Variants in NKAIN2 observed in about 807,000 individuals in gnomAD.
NKAIN2 encodes the protein sodium/potassium transporting ATPase interacting 2, also known as sodium/potassium-transporting ATPase subunit beta-1-interacting protein 2.
NKAIN2 carries 14 observed loss-of-function variants against 32.6 expected under a neutral mutation model. That is an observed-to-expected ratio of 0.43 (90% CI 0.28 to 0.67). The LOEUF (loss-of-function observed/expected upper bound fraction) is 0.67. Among genes scored for constraint, NKAIN2 ranks in the 30% least tolerant of loss-of-function variants. NKAIN2 has a pLI of 0.17. For missense variants in NKAIN2, 198 were observed against 258.3 expected, an observed-to-expected ratio of 0.77 and a Z score of 1.60; for synonymous variants, 80 against 87.2, an observed-to-expected ratio of 0.92 and a Z score of 0.46.
At chr6:124,762,810 G>A (rs778339329) in intron 4 of NKAIN2, among the ~76,000 whole-genome samples, 46 of 152,152 alleles carry the variant, frequency 3.0e-4, no homozygotes, top group Admixed American at 2.1e-3. Context: ...ATCGGAGAGC[G>A]TTGGTTTGCA....
intron 5 of NKAIN2, chr6:124,794,749 T>G (rs546616037): frequency 5.4e-5 from 14 of 257,420 alleles, no homozygotes; most frequent in Admixed American, 1.3e-4. Flanking sequence ...TTACTTGTAG[T>G]CATTCACACC....
chr6:123,989,076 G>A (rs954285091), intron 1 of NKAIN2, among the ~76,000 whole-genome samples: 5 of 152,100 alleles, frequency 3.3e-5, no homozygotes, highest in African/African-American at 1.2e-4. Context: ...TTATGCTACT[G>A]TGTAGTGGAT....
intron 4 of NKAIN2, among the ~76,000 whole-genome samples, chr6:124,751,619 G>T (rs1194925695): frequency 6.6e-6 from 1 of 151,814 alleles, no homozygotes; most frequent in African/African-American, 2.4e-5. Context: ...CACTGAACTA[G>T]CCCGTGGCTG....
At chr6:124,364,248 A>G (rs73770446) in intron 3 of NKAIN2, among the ~76,000 whole-genome samples, 1 of 65,240 alleles carries the variant, frequency 1.5e-5, no homozygotes, top group Non-Finnish European at 3.4e-5. Flanking sequence ...AAAAAAAAAA[A>G]AAAGAGAGAA....
chr6:124,482,702 C>T (rs543745589), intron 3 of NKAIN2, among the ~76,000 whole-genome samples: 3 of 152,198 alleles, frequency 2.0e-5, no homozygotes, highest in Non-Finnish European at 4.4e-5. Flanking sequence ...TTCATTATTA[C>T]CAGGAAATAA....
chr6:124,551,276 G>T (rs1780277207), intron 3 of NKAIN2, among the ~76,000 whole-genome samples: 1 of 152,162 alleles, frequency 6.6e-6, no homozygotes, highest in Admixed American at 6.5e-5. Flanking sequence ...ATTGAGTTTG[G>T]TTTATGGTTT....
rs552766092 is a variant in NKAIN2, at chr6:123,831,530, T to C, written c.54+27276T>C. ...ATTTAATTATTTTTATTAAAGACTT[T>C]ATTTTTTACAGCAGTTTTAGGTTAA... On this transcript the variant is annotated intron_variant, in intron 1 of 6. Coordinates refer to ENST00000368417, the MANE Select transcript of NKAIN2 (RefSeq NM_001040214.3). Among the ~76,000 whole-genome samples, 586 of 152,044 alleles carry C rather than the reference T, an allele frequency of 3.9e-3. 6 individuals are homozygous for C. Among genetic ancestry groups the C allele is most frequent in the African/African-American group, 0.014 (563 of 41,536 alleles).
chr6:123,956,671 A>T (rs1341161686), intron 1 of NKAIN2, among the ~76,000 whole-genome samples: 1 of 152,180 alleles, frequency 6.6e-6, no homozygotes. Context: ...ATGTGGGGAT[A>T]TCCCCTCCAT....
chr6:124,584,439 G>A (rs1311162703), intron 3 of NKAIN2, among the ~76,000 whole-genome samples: 1 of 152,074 alleles, frequency 6.6e-6, no homozygotes, highest in East Asian at 1.9e-4. Context: ...ATCACCTGAG[G>A]TCAGGAGTTC....
At chr6:124,584,388 A>G (rs1435673489) in intron 3 of NKAIN2, among the ~76,000 whole-genome samples, 1 of 152,208 alleles carries the variant, frequency 6.6e-6, no homozygotes, top group African/African-American at 2.4e-5. Context: ...ATGGTGGCTT[A>G]CATTTCTAAT....
At chr6:124,466,692 T>A (rs147240505) in intron 3 of NKAIN2, among the ~76,000 whole-genome samples, 331 of 151,830 alleles carry the variant, frequency 2.2e-3, no homozygotes, top group African/African-American at 7.6e-3. Context: ...CCTGTAACAT[T>A]TCTCCAAGTT....
At chr6:123,824,426 A>G (rs931709553) in intron 1 of NKAIN2, among the ~76,000 whole-genome samples, 2 of 152,156 alleles carry the variant, frequency 1.3e-5, no homozygotes, top group African/African-American at 4.8e-5. Context: ...TACATTACCT[A>G]GTAAAAACTA....
intron 3 of NKAIN2, among the ~76,000 whole-genome samples, chr6:124,490,636 C>G (rs943845287): frequency 2.0e-5 from 3 of 151,610 alleles, no homozygotes; most frequent in African/African-American, 2.4e-5. Context: ...CCATGATATA[C>G]TATTTATTTT....
intron 3 of NKAIN2, among the ~76,000 whole-genome samples, chr6:124,587,089 A>G (rs750131410): frequency 1.3e-5 from 2 of 152,214 alleles, no homozygotes; most frequent in East Asian, 1.9e-4. Flanking sequence ...GAACTCTTCT[A>G]TTAACTTGAG....
chr6:124,298,981 A>G (rs771366347), intron 2 of NKAIN2, among the ~76,000 whole-genome samples: 2 of 152,236 alleles, frequency 1.3e-5, no homozygotes, highest in Non-Finnish European at 2.9e-5. Context: ...ATAATCTTAC[A>G]TTTAATGACT....
At chr6:123,815,177 G>T (rs1470374839) in intron 1 of NKAIN2, among the ~76,000 whole-genome samples, 1 of 152,056 alleles carries the variant, frequency 6.6e-6, no homozygotes, top group Non-Finnish European at 1.5e-5. Flanking sequence ...AGTTTAAATT[G>T]CAACCTGTTC....
At chr6:124,798,087 CTATCT>C (rs1780093124) in intron 5 of NKAIN2, among the ~76,000 whole-genome samples, 1 of 151,360 alleles carries the variant, frequency 6.6e-6, no homozygotes, top group African/African-American at 2.4e-5. Context: ...ATCTATCTAT[CTATCT>C]ATCTATCTAT....
At chr6:124,657,401 T>C (rs1402625450) in intron 3 of NKAIN2, among the ~76,000 whole-genome samples, 1 of 152,202 alleles carries the variant, frequency 6.6e-6, no homozygotes, top group Non-Finnish European at 1.5e-5. Flanking sequence ...GTGCCATTGA[T>C]AGCTCCAAGT....
chr6:124,820,665 T>C (rs1781357560), intron 6 of NKAIN2, among the ~76,000 whole-genome samples: 1 of 152,148 alleles, frequency 6.6e-6, no homozygotes, highest in African/African-American at 2.4e-5. Context: ...CCATGGTCTG[T>C]TAGGAGCTGA....
Sources: gnomAD v4.1 joint callset for allele counts (sites outside exome capture counted in the v4.1 genomes callset) on GRCh38, gnomAD v4.1.1 for gene constraint, MANE v1.5 for transcripts, NCBI Gene and HGNC (gene_info 2026-07-23, HGNC 2026-07-21) for gene names.